The following CD226 variants were observed in gnomAD, a reference collection of about 807,000 sequenced individuals.
CD226 encodes the protein CD226 antigen.
Under a neutral mutation model 34.9 loss-of-function variants are expected in CD226, and 24 were observed. The observed-to-expected ratio is 0.69, with a 90% CI of 0.50 to 0.97. CD226 has a LOEUF of 0.97. CD226 is among the 50% of genes least tolerant of loss of function. The pLI, the probability that CD226 is intolerant of heterozygous loss-of-function variation, is 0.00. For missense variants in CD226, 397 were observed against 412.7 expected (o/e 0.96, Z 0.33); for synonymous variants, 148 against 147.4 (o/e 1.00, Z -0.03).
intron 2 of CD226, among the ~76,000 whole-genome samples, chr18:69,924,988 T>A (rs1330503807): frequency 1.3e-5 from 2 of 152,190 alleles, no homozygotes; most frequent in Non-Finnish European, 2.9e-5. Context: ...TTCCTGAATT[T>A]TCCATTAGAA....
intron 2 of CD226, among the ~76,000 whole-genome samples, chr18:69,915,127 C>T (rs934841340): frequency 6.6e-6 from 1 of 152,032 alleles, no homozygotes; most frequent in Non-Finnish European, 1.5e-5. Flanking sequence ...CACCTGGACA[C>T]GATTTCAAAA....
At chr18:69,942,486 C>T (rs1196230284) in intron 2 of CD226, among the ~76,000 whole-genome samples, 3 of 152,204 alleles carry the variant, frequency 2.0e-5, no homozygotes, top group Non-Finnish European at 4.4e-5. Flanking sequence ...GTCCCCTGGT[C>T]TGCATTACAG....
chr18:69,940,171 G>T (rs1599027161), intron 2 of CD226, among the ~76,000 whole-genome samples: 1 of 152,112 alleles, frequency 6.6e-6, no homozygotes, highest in African/African-American at 2.4e-5. Context: ...GGACATATTT[G>T]CTTCCCCTTC....
upstream of CD226, among the ~76,000 whole-genome samples, chr18:69,949,255 G>A (rs1443617694): frequency 2.0e-5 from 3 of 152,262 alleles, no homozygotes; most frequent in East Asian, 5.8e-4. Flanking sequence ...ACACATTCCT[G>A]AGAGGAACAT....
At chr18:69,880,203 AAGGCAGGC>A (rs60681359) in intron 3 of CD226, among the ~76,000 whole-genome samples, 3 of 146,384 alleles carry the variant, frequency 2.0e-5, no homozygotes, top group Admixed American at 1.4e-4. Context: ...GCGGGGGAGG[AAGGCAGGC>A]AGGCAGGCAG....
At chr18:69,927,011 A>T (rs953327221) in intron 2 of CD226, among the ~76,000 whole-genome samples, 1 of 152,222 alleles carries the variant, frequency 6.6e-6, no homozygotes, top group Non-Finnish European at 1.5e-5. Context: ...GCTCACTGCT[A>T]TGATCTGAAT....
At chr18:69,917,892 G>C (rs80124974) in intron 2 of CD226, among the ~76,000 whole-genome samples, 1 of 152,148 alleles carries the variant, frequency 6.6e-6, no homozygotes, top group African/African-American at 2.4e-5. Context: ...TGAGTGGTTT[G>C]AATTCACTCC....
upstream of CD226, among the ~76,000 whole-genome samples, chr18:69,958,650 C>A (rs777229278): frequency 2.6e-5 from 4 of 152,106 alleles, no homozygotes; most frequent in Non-Finnish European, 5.9e-5. Context: ...ACAGTAGCTG[C>A]TGCTCATACC....
intron 2 of CD226, among the ~76,000 whole-genome samples, chr18:69,925,594 A>T (rs757372262): frequency 6.6e-6 from 1 of 152,032 alleles, no homozygotes; most frequent in Non-Finnish European, 1.5e-5. Context: ...CAGTTGCTGG[A>T]TCCCGTCAAC....
intron 2 of CD226, among the ~76,000 whole-genome samples, chr18:69,916,641 C>A (rs2055389495): frequency 6.6e-6 from 1 of 152,154 alleles, no homozygotes; most frequent in African/African-American, 2.4e-5. Context: ...GACTAGAAAT[C>A]TGAGCTTTAT....
At chr18:69,866,396 A>G (rs1983145990) in intron 5 of CD226, among the ~76,000 whole-genome samples, 1 of 152,170 alleles carries the variant, frequency 6.6e-6, no homozygotes, top group East Asian at 1.9e-4. Flanking sequence ...ACCCAGAAGG[A>G]AGTTTCTAGT....
intron 2 of CD226, among the ~76,000 whole-genome samples, chr18:69,937,735 A>G (rs2055672830): frequency 6.6e-6 from 1 of 152,180 alleles, no homozygotes; most frequent in Admixed American, 6.5e-5. Flanking sequence ...CCCTCTCCCC[A>G]GCTTTAAATC....
At chr18:69,877,334 G>A (rs978359371) in intron 3 of CD226, among the ~76,000 whole-genome samples, 2 of 152,168 alleles carry the variant, frequency 1.3e-5, no homozygotes, top group African/African-American at 2.4e-5. Context: ...GTAGGGTGAG[G>A]CATGTGTAAA....
upstream of CD226, among the ~76,000 whole-genome samples, chr18:69,950,170 ACACT>A (rs2055838872): frequency 7.2e-6 from 1 of 139,556 alleles, no homozygotes; most frequent in African/African-American, 2.5e-5. Context: ...ACTCTCAAAC[ACACT>A]CGTACATGCA....
At chr18:69,930,772 A>G (rs748072203) in intron 2 of CD226, among the ~76,000 whole-genome samples, 3 of 152,200 alleles carry the variant, frequency 2.0e-5, no homozygotes, top group Non-Finnish European at 4.4e-5. Flanking sequence ...CCTCATGTGG[A>G]TTTATAGCCT....
rs996553893 is a variant in CD226, at chr18:69,861,713, T to G, written c.*2601A>C. On this transcript the variant is annotated 3_prime_UTR_variant, in exon 6 of 6. Coordinates refer to ENST00000582621, the MANE Select transcript of CD226 (RefSeq NM_001303618.2). ...GCTTTCTTAGTAACAATCAGAATCATAGGTGCAAAAGAGTAGAGGGGGAGA... is the reference window on the plus strand; with the variant it reads ...GCTTTCTTAGTAACAATCAGAATCAGAGGTGCAAAAGAGTAGAGGGGGAGA... The G allele has an allele frequency of 6.6e-6, 1 of 151,716 alleles. No homozygotes were observed. Among genetic ancestry groups the G allele is most frequent in the Non-Finnish European group, 1.5e-5 (1 of 67,830 alleles). 9.4% of individuals were successfully genotyped at this position (151,716 alleles called of 1,614,324 possible).
rs1568149728 is a variant in CD226, at chr18:69,860,801, G to A, written c.*3513C>T. 1 of 152,018 alleles carries A rather than the reference G, an allele frequency of 6.6e-6. No individual in the cohort carries two copies. Among genetic ancestry groups the A allele is most frequent in the Non-Finnish European group, 1.5e-5 (1 of 67,952 alleles). The allele number at this position is 152,018 out of a possible 1,614,324, so 9.4% of individuals were successfully genotyped here. A position where few individuals can be genotyped will look rare whatever the true frequency, so the allele number is the denominator to read the frequency against. ...TTTATATTGTCTTATATTTTTTAAA[G>A]ATATTTTCTTATCACTGTTGTGAAA... On this transcript the variant is annotated 3_prime_UTR_variant, in exon 6 of 6. Coordinates refer to ENST00000582621, the MANE Select transcript of CD226 (RefSeq NM_001303618.2).
intron 3 of CD226, among the ~76,000 whole-genome samples, chr18:69,876,433 A>G (rs926043313): frequency 4.6e-5 from 7 of 152,228 alleles, no homozygotes; most frequent in Non-Finnish European, 8.8e-5. Context: ...CATAGGAAAT[A>G]TGTTACCTAT....
intron 3 of CD226, among the ~76,000 whole-genome samples, chr18:69,891,118 G>T (rs1238989101): frequency 6.6e-6 from 1 of 151,214 alleles, no homozygotes; most frequent in African/African-American, 2.4e-5. Context: ...CACATTAAAT[G>T]GATTGTATAT....
Sources: gnomAD v4.1 joint callset for allele counts (sites outside exome capture counted in the v4.1 genomes callset) on GRCh38, gnomAD v4.1.1 for gene constraint, MANE v1.5 for transcripts, NCBI Gene and HGNC (gene_info 2026-07-23, HGNC 2026-07-21) for gene names.